The following FRAS1 variants were observed in gnomAD, a reference collection of about 807,000 sequenced individuals.
FRAS1 encodes Fraser extracellular matrix complex subunit 1.
A neutral mutation model predicts 435.2 loss-of-function variants in FRAS1; 290 were observed. The ratio of observed to expected loss-of-function variants is 0.67; its 90% CI spans 0.61 to 0.73. The LOEUF (loss-of-function observed/expected upper bound fraction) is 0.73, where lower values mean the gene tolerates loss of function less well. Ranked by LOEUF, FRAS1 falls within the 30% of genes least tolerant of loss-of-function variation. The probability of loss-of-function intolerance (pLI) is 0.00; values close to 1 mark genes in which losing one functional copy is unlikely to be tolerated. For synonymous variants in FRAS1, 1,800 were observed against 1,851.0 expected (o/e 0.97, Z 0.71); for missense variants, 4,860 against 5,001.5 (o/e 0.97, Z 0.85).
chr4:78,474,502 T>C (rs1719803510), intron 53 of FRAS1, among the ~76,000 whole-genome samples: 1 of 152,228 alleles, frequency 6.6e-6, no homozygotes, highest in Non-Finnish European at 1.5e-5. Flanking sequence ...TTTGGAGAAT[T>C]AGAGGAAAAT....
chr4:78,123,342 GT>G (rs1719140102), intron 2 of FRAS1, among the ~76,000 whole-genome samples: 3 of 152,194 alleles, frequency 2.0e-5, no homozygotes, highest in Non-Finnish European at 4.4e-5. Context: ...CTATGTATCT[GT>G]TTTGGTACCA....
chr4:78,200,753 A>T (rs1264911325), intron 2 of FRAS1, among the ~76,000 whole-genome samples: 1 of 151,572 alleles, frequency 6.6e-6, no homozygotes, highest in African/African-American at 2.4e-5. Context: ...ATTATTCAGT[A>T]TATTTACCTG....
Position 78,333,220 on chromosome 4 carries a change from T to C in FRAS1, c.2138-52T>C, listed in dbSNP as rs1314688607. 2.6e-6 allele frequency: 4 copies of C among 1,565,286 alleles called. No homozygotes were observed. The East Asian group carries it at 6.9e-5, about 27-fold the overall frequency. On this transcript the variant is annotated intron_variant, in intron 18 of 73. Transcript: ENST00000512123. The stretch of plus-strand genomic sequence containing the variant: ...TAATGGGAGAGATAGAGTTACTGTC[T>C]GTGTCACGTGGGGCTTTCCTGATTG...
intron 22 of FRAS1, among the ~76,000 whole-genome samples, chr4:78,368,274 T>C (rs1346126517): frequency 8.6e-6 from 1 of 115,800 alleles, no homozygotes. Context: ...ATTATCAATA[T>C]GCATATTCTA....
At chr4:78,518,582 T>C (rs1721291766) in intron 66 of FRAS1, among the ~76,000 whole-genome samples, 1 of 151,992 alleles carries the variant, frequency 6.6e-6, no homozygotes, top group African/African-American at 2.4e-5. Flanking sequence ...CTGTTATCTT[T>C]CCATCCAGTT....
intron 37 of FRAS1, 81 bp downstream of exon 37, chr4:78,430,498 C>A: frequency 7.0e-7 from 1 of 1,436,582 alleles, no homozygotes; most frequent in Non-Finnish European, 9.4e-7. Flanking sequence ...GTGTCTCAGA[C>A]GAGAGCAAAG....
intron 38 of FRAS1, among the ~76,000 whole-genome samples, chr4:78,436,663 T>C (rs1285379303): frequency 1.3e-5 from 2 of 152,110 alleles, no homozygotes; most frequent in Non-Finnish European, 2.9e-5. Flanking sequence ...ACAGTATAGA[T>C]GGATCTTAGC....
chr4:78,307,522 GACTCTCCGA>G (rs1397211134), intron 14 of FRAS1, among the ~76,000 whole-genome samples: 2 of 152,218 alleles, frequency 1.3e-5, no homozygotes, highest in African/African-American at 4.8e-5. Flanking sequence ...GTGGGCGTAG[GACTCTCCGA>G]GCCAGGTGCC....
intron 2 of FRAS1, among the ~76,000 whole-genome samples, chr4:78,192,183 C>T (rs1722570829): frequency 6.6e-6 from 1 of 152,110 alleles, no homozygotes; most frequent in African/African-American, 2.4e-5. Context: ...TTCAGTTTGC[C>T]AGTATTTTAT....
chr4:78,150,764 T>C (rs1178647638), intron 2 of FRAS1, among the ~76,000 whole-genome samples: 2 of 152,186 alleles, frequency 1.3e-5, no homozygotes, highest in Non-Finnish European at 2.9e-5. Flanking sequence ...CTTTTAGTGT[T>C]TGCTACAGCC....
At chr4:78,240,887 T>C (rs1724973463) in intron 3 of FRAS1, among the ~76,000 whole-genome samples, 2 of 152,158 alleles carry the variant, frequency 1.3e-5, no homozygotes, top group South Asian at 4.2e-4. Flanking sequence ...AAGAGAGTAA[T>C]ATTATAGTCA....
At chr4:78,355,028 A>T (rs908680350) in intron 20 of FRAS1, among the ~76,000 whole-genome samples, 6 of 152,212 alleles carry the variant, frequency 3.9e-5, no homozygotes, top group African/African-American at 1.4e-4. Context: ...CTGCAGGGTG[A>T]CATATTAGAG....
Position 78,108,897 on chromosome 4 carries a change from T to C in FRAS1, c.108+42881T>C, listed in dbSNP as rs1742537629. Among the ~76,000 whole-genome samples the C allele has an allele frequency of 4.1e-5, 5 of 121,620 alleles. 1 individual carries two copies. The highest frequency in any genetic ancestry group is 2.5e-4 in the South Asian group (1 of 3,932). 79.8% of individuals were successfully genotyped at this position (121,620 alleles called of 152,430 possible). A position where few individuals can be genotyped will look rare whatever the true frequency, so the allele number is the denominator to read the frequency against. Reference sequence around the variant, plus strand: ...AGAGAGAAGAATCAAATAGACACAATAAAAAATGATAAAGGGGATATCACC... The same window carrying C: ...AGAGAGAAGAATCAAATAGACACAACAAAAAATGATAAAGGGGATATCACC... On this transcript the variant is annotated intron_variant, in intron 2 of 73. Transcript: ENST00000512123.
intron 11 of FRAS1, 107 bp downstream of exon 11, chr4:78,281,540 C>G: frequency 1.6e-6 from 1 of 634,288 alleles, no homozygotes. Flanking sequence ...TTTTTAACAG[C>G]CACATTTGAT....
intron 2 of FRAS1, among the ~76,000 whole-genome samples, chr4:78,132,406 C>T (rs1035043086): frequency 6.6e-6 from 1 of 152,188 alleles, no homozygotes; most frequent in Non-Finnish European, 1.5e-5. Flanking sequence ...AGCAATAGCA[C>T]CACATATTCA....
intron 14 of FRAS1, 25 bp downstream of exon 14, chr4:78,286,564 G>A: frequency 6.2e-7 from 1 of 1,607,278 alleles, no homozygotes; most frequent in Non-Finnish European, 8.5e-7. Context: ...GGCCACAGTT[G>A]GGCCAGCTAC....
At chr4:78,400,959 C>CA in intron 30 of FRAS1, 72 bp downstream of exon 30, 1 of 1,413,088 alleles carries the variant, frequency 7.1e-7, no homozygotes, top group Non-Finnish European at 9.7e-7. Flanking sequence ...TGTATAGTGC[C>CA]ATGTGGCAAG....
intron 26 of FRAS1, chr4:78,379,279 A>C (rs1357609708): frequency 6.0e-6 from 1 of 165,618 alleles, no homozygotes; most frequent in Non-Finnish European, 1.3e-5. Context: ...ACTGGTTTGG[A>C]ATTAGGAATT....
chr4:78,303,280 G>C lies in FRAS1; in HGVS notation c.1535-4786G>C, dbSNP rs535696644. Among the ~76,000 whole-genome samples the C allele has an allele frequency of 3.3e-5, 5 of 152,278 alleles. No homozygotes were observed. In the South Asian group the frequency reaches 8.3e-4, roughly 25 times the overall value. ...CTGTAGCCTTGTAGTATAGTTTGAA[G>C]TCAGGTAGTGTGATGCCTCCAGCTT... On this transcript the variant is annotated intron_variant, in intron 14 of 73. Transcript: ENST00000512123.
Sources: gnomAD v4.1 joint callset for allele counts (sites outside exome capture counted in the v4.1 genomes callset) on GRCh38, gnomAD v4.1.1 for gene constraint, MANE v1.5 for transcripts, NCBI Gene and HGNC (gene_info 2026-07-23, HGNC 2026-07-21) for gene names.